The following JARID2 variants were observed in gnomAD, a reference collection of about 807,000 sequenced individuals.
JARID2 encodes jumonji and AT-rich interaction domain containing 2.
Under a neutral mutation model 125.6 loss-of-function variants are expected in JARID2, and 21 were observed. That is an observed-to-expected ratio of 0.17 (90% CI 0.12 to 0.24). The LOEUF (loss-of-function observed/expected upper bound fraction) is 0.24. Among genes scored for constraint, JARID2 ranks in the 10% least tolerant of loss-of-function variants. JARID2 has a pLI of 1.00. For synonymous variants in JARID2, 736 were observed against 661.6 expected (o/e 1.11, Z -1.73); for missense variants, 1,303 against 1,639.6 (o/e 0.79, Z 3.55).
At chr6:15,316,103 A>G (rs1762171606) in intron 1 of JARID2, among the ~76,000 whole-genome samples, 1 of 151,976 alleles carries the variant, frequency 6.6e-6, no homozygotes, top group African/African-American at 2.4e-5. Flanking sequence ...GCTTGAAAAC[A>G]TGTGTGAAAT....
intron 1 of JARID2, among the ~76,000 whole-genome samples, chr6:15,336,874 A>G (rs996243590): frequency 6.6e-6 from 1 of 152,088 alleles, no homozygotes; most frequent in Non-Finnish European, 1.5e-5. Context: ...TCTGTTGCGC[A>G]GTCAGGATTG....
rs530397292 is a variant in JARID2, at chr6:15,398,831, A to G, written c.182-11393A>G. ...TTGAGTGACAGAACTGGGGGTGTTC[A>G]GGAAAACCACTAATCATACGTGATT... is the stretch of plus-strand genomic sequence containing the variant. On this transcript the variant is annotated intron_variant, in intron 2 of 17. Coordinates refer to ENST00000341776, the MANE Select transcript of JARID2 (RefSeq NM_004973.4). 7.9e-5 allele frequency among the ~76,000 whole-genome samples: 12 copies of G among 152,324 alleles called. 1 individual carries two copies. The highest frequency in any genetic ancestry group is 2.4e-4 in the African/African-American group (10 of 41,568).
intron 4 of JARID2, among the ~76,000 whole-genome samples, chr6:15,454,133 C>T (rs1414204228): frequency 6.6e-6 from 1 of 152,170 alleles, no homozygotes; most frequent in Non-Finnish European, 1.5e-5. Flanking sequence ...CCTTAATATA[C>T]TTACTTGCTC....
At chr6:15,316,012 C>CTT (rs146136045) in intron 1 of JARID2, among the ~76,000 whole-genome samples, 4,985 of 148,904 alleles carry the variant, frequency 0.033, 119 homozygotes, top group Admixed American at 0.069. Context: ...GTCCTGCTTC[C>CTT]TTTTTTTTTT....
At chr6:15,473,514 G>GCCCCCCCCCCC (rs3841758) in intron 5 of JARID2, among the ~76,000 whole-genome samples, 4 of 34,996 alleles carry the variant, frequency 1.1e-4, no homozygotes, top group Non-Finnish European at 2.2e-4. Context: ...TGATGTGCGT[G>GCCCCCCCCCCC]CCCCCCCCCC....
chr6:15,337,468 G>T (rs928715466), intron 1 of JARID2, among the ~76,000 whole-genome samples: 1 of 152,128 alleles, frequency 6.6e-6, no homozygotes, highest in South Asian at 2.1e-4. Flanking sequence ...CAAGGTCTGA[G>T]CCCAACAGCC....
At chr6:15,473,667 T>C (rs1293717696) in intron 5 of JARID2, among the ~76,000 whole-genome samples, 1 of 152,146 alleles carries the variant, frequency 6.6e-6, no homozygotes, top group African/African-American at 2.4e-5. Context: ...GTTGTCCCTT[T>C]GTAGGCATCC....
chr6:15,345,512 G>T (rs924986025), intron 1 of JARID2, among the ~76,000 whole-genome samples: 3 of 152,128 alleles, frequency 2.0e-5, no homozygotes, highest in Admixed American at 1.3e-4. Context: ...AAGAGCTTTT[G>T]ATAGGAAGTA....
At chr6:15,435,512 G>A (rs567244302) in intron 3 of JARID2, among the ~76,000 whole-genome samples, 29 of 152,272 alleles carry the variant, frequency 1.9e-4, no homozygotes, top group East Asian at 7.7e-4. Flanking sequence ...GGGAAATCAA[G>A]TTCAGGTTTG....
chr6:15,346,311 C>A (rs977267776), intron 1 of JARID2, among the ~76,000 whole-genome samples: 3 of 152,188 alleles, frequency 2.0e-5, no homozygotes, highest in Non-Finnish European at 4.4e-5. Context: ...TGGCAATCAG[C>A]ATTTAACTTT....
At chr6:15,509,115 T>TC (rs1159487657) in intron 12 of JARID2, 1 of 1,289,102 alleles carries the variant, frequency 7.8e-7, no homozygotes. Flanking sequence ...CCGCCTGTAA[T>TC]CTGACTCTCA....
intron 1 of JARID2, chr6:15,249,087 G>A: frequency 3.3e-6 from 1 of 304,512 alleles, no homozygotes; most frequent in Non-Finnish European, 4.8e-6. Context: ...CACTTCCTCT[G>A]TTCCAGGTCT....
chr6:15,278,205 C>G (rs1040229400), intron 1 of JARID2, among the ~76,000 whole-genome samples: 6 of 152,034 alleles, frequency 3.9e-5, no homozygotes, highest in Admixed American at 3.9e-4. Flanking sequence ...GCACTCCAGT[C>G]TGGGCAACAG....
At chr6:15,436,147 G>A (rs940762803) in intron 3 of JARID2, among the ~76,000 whole-genome samples, 1 of 152,160 alleles carries the variant, frequency 6.6e-6, no homozygotes, top group Non-Finnish European at 1.5e-5. Context: ...TAGGCGGCTT[G>A]TGTTAGCTCA....
At chr6:15,258,728 G>A (rs1159534309) in intron 1 of JARID2, among the ~76,000 whole-genome samples, 1 of 152,200 alleles carries the variant, frequency 6.6e-6, no homozygotes, top group Non-Finnish European at 1.5e-5. Context: ...GTTGCAGTGA[G>A]CCGAGATTGC....
chr6:15,515,712 G>A (rs1413064882), intron 16 of JARID2, among the ~76,000 whole-genome samples: 1 of 151,236 alleles, frequency 6.6e-6, no homozygotes, highest in African/African-American at 2.4e-5. Context: ...TCACACCACT[G>A]TACTCCAGCC....
intron 1 of JARID2, among the ~76,000 whole-genome samples, chr6:15,335,367 T>C (rs1762844911): frequency 1.3e-5 from 2 of 152,146 alleles, no homozygotes; most frequent in Admixed American, 6.5e-5. Context: ...CCCAAAGGGC[T>C]GGGATTGCTG....
chr6:15,334,938 G>A (rs1368826196), intron 1 of JARID2, among the ~76,000 whole-genome samples: 1 of 152,000 alleles, frequency 6.6e-6, no homozygotes, highest in Non-Finnish European at 1.5e-5. Context: ...AACCAGTGGG[G>A]TATATTTAAT....
chr6:15,365,013 A>T (rs558754958), intron 1 of JARID2, among the ~76,000 whole-genome samples: 1 of 152,338 alleles, frequency 6.6e-6, no homozygotes, highest in East Asian at 1.9e-4. Flanking sequence ...TATCATAATG[A>T]ACATAAAAAG....
Sources: allele counts gnomAD v4.1 joint callset (sites outside exome capture counted in the v4.1 genomes callset), GRCh38; gene constraint gnomAD v4.1.1; transcripts MANE v1.5; gene names NCBI Gene and HGNC (gene_info 2026-07-23, HGNC 2026-07-21).